Variants in OPCML observed in about 807,000 individuals in gnomAD.
OPCML encodes opioid-binding protein/cell adhesion molecule.
In OPCML, 13 loss-of-function variants were observed where a neutral mutation model predicts 37.8. That is an observed-to-expected ratio of 0.34 (90% CI 0.22 to 0.55). OPCML has a LOEUF of 0.55. OPCML is among the 20% of genes least tolerant of loss of function. OPCML has a pLI of 0.91. For missense variants in OPCML, 341 were observed against 435.6 expected, an observed-to-expected ratio of 0.78 and a Z score of 1.93; for synonymous variants, 176 against 168.8, an observed-to-expected ratio of 1.04 and a Z score of -0.33.
intron 1 of OPCML, among the ~76,000 whole-genome samples, chr11:133,449,183 C>G (rs1486675883): frequency 6.6e-6 from 1 of 152,120 alleles, no homozygotes; most frequent in Non-Finnish European, 1.5e-5. Context: ...GAAGATGTAC[C>G]TCTCTGTAGC....
intron 1 of OPCML, among the ~76,000 whole-genome samples, chr11:133,215,702 C>G (rs184934031): frequency 3.3e-5 from 5 of 152,236 alleles, no homozygotes; most frequent in Admixed American, 6.5e-5. Context: ...CCCGAGGGAG[C>G]AGAACCCAGG....
At chr11:132,860,689 T>C (rs900577841) in intron 2 of OPCML, 2 of 152,136 alleles carry the variant, frequency 1.3e-5, no homozygotes, top group African/African-American at 4.8e-5. Flanking sequence ...GGGGTACTTT[T>C]AGTTTCCCAG....
intron 1 of OPCML, among the ~76,000 whole-genome samples, chr11:133,237,982 G>C (rs11607552): frequency 0.13 from 20,102 of 152,252 alleles, 2,197 homozygotes; most frequent in East Asian, 0.54. Flanking sequence ...CTTTACAAAA[G>C]TAATCTCATT....
chr11:133,503,826 C>T (rs987157990), intron 1 of OPCML, among the ~76,000 whole-genome samples: 1 of 152,306 alleles, frequency 6.6e-6, no homozygotes, highest in African/African-American at 2.4e-5. Flanking sequence ...CATGACTGCT[C>T]TCAGAGCTGG....
chr11:133,032,767 T>C (rs1316328939), intron 1 of OPCML, among the ~76,000 whole-genome samples: 1 of 152,142 alleles, frequency 6.6e-6, no homozygotes, highest in African/African-American at 2.4e-5. Context: ...TCCGTGACTA[T>C]TGCATTATTC....
At chr11:132,566,798 A>G (rs1039819967) in intron 3 of OPCML, among the ~76,000 whole-genome samples, 13 of 152,294 alleles carry the variant, frequency 8.5e-5, no homozygotes, top group Non-Finnish European at 1.6e-4. Context: ...GATCTAAAAT[A>G]AAGCCATGTC....
intron 2 of OPCML, among the ~76,000 whole-genome samples, chr11:132,660,316 T>C (rs190005908): frequency 6.6e-6 from 1 of 152,324 alleles, no homozygotes; most frequent in East Asian, 1.9e-4. Context: ...CTTTCCAAGA[T>C]ATATGCCAAA....
At chr11:133,112,221 T>C (rs1365125396) in intron 1 of OPCML, among the ~76,000 whole-genome samples, 1 of 140,478 alleles carries the variant, frequency 7.1e-6, no homozygotes, top group African/African-American at 2.5e-5. Flanking sequence ...TTAGACTTTA[T>C]ATTTCAAAAT....
intron 1 of OPCML, among the ~76,000 whole-genome samples, chr11:133,123,103 A>G (rs781411107): frequency 6.6e-6 from 1 of 152,224 alleles, no homozygotes; most frequent in Non-Finnish European, 1.5e-5. Context: ...CTCTCAGAGC[A>G]GTGCATACAC....
At chr11:132,513,168 G>A (rs187503901) in intron 4 of OPCML, among the ~76,000 whole-genome samples, 15 of 152,174 alleles carry the variant, frequency 9.9e-5, no homozygotes, top group African/African-American at 3.6e-4. Flanking sequence ...AAGAGAAGAA[G>A]CCTATTTGGT....
At chr11:133,067,889 T>A (rs1216095579) in intron 1 of OPCML, 2 of 152,180 alleles carry the variant, frequency 1.3e-5, no homozygotes, top group Non-Finnish European at 2.9e-5. Flanking sequence ...CATATATTTG[T>A]GCAAAGTTTT....
intron 1 of OPCML, chr11:133,007,113 C>G: frequency 1.0e-6 from 1 of 985,412 alleles, no homozygotes. Flanking sequence ...TCCCCTAGAG[C>G]TTTATTTTCC....
At chr11:133,215,045 C>A (rs934464253) in intron 1 of OPCML, among the ~76,000 whole-genome samples, 1 of 152,192 alleles carries the variant, frequency 6.6e-6, no homozygotes, top group Non-Finnish European at 1.5e-5. Flanking sequence ...TTAGAACTTG[C>A]CATAGTCACA....
chr11:133,140,823 A>AGACGACGACGAAGACGAAGAAGAG (rs1565468037), intron 1 of OPCML, among the ~76,000 whole-genome samples: 2 of 31,698 alleles, frequency 6.3e-5, no homozygotes, highest in African/African-American at 1.4e-4. Context: ...ACGAAGAAGA[A>AGACGACGACGAAGACGAAGAAGAG]GACGACGACG....
intron 2 of OPCML, among the ~76,000 whole-genome samples, chr11:132,877,983 C>T (rs1318149095): frequency 6.6e-6 from 1 of 152,138 alleles, no homozygotes; most frequent in Non-Finnish European, 1.5e-5. Flanking sequence ...GAGAGCAAGA[C>T]CATCCTGGCT....
At chr11:132,994,271 G>T (rs1048915713) in intron 1 of OPCML, among the ~76,000 whole-genome samples, 1 of 152,174 alleles carries the variant, frequency 6.6e-6, no homozygotes, top group African/African-American at 2.4e-5. Context: ...TTTTACGGCC[G>T]GAACTCGGGC....
At chr11:132,991,117 C>T (rs1205739819) in intron 1 of OPCML, among the ~76,000 whole-genome samples, 5 of 152,152 alleles carry the variant, frequency 3.3e-5, no homozygotes, top group Non-Finnish European at 5.9e-5. Context: ...TACAGCAATT[C>T]GCACTGGACA....
chr11:133,194,272 G>A (rs1180676486), intron 1 of OPCML, among the ~76,000 whole-genome samples: 1 of 146,348 alleles, frequency 6.8e-6, no homozygotes, highest in Non-Finnish European at 1.5e-5. Context: ...TGCAATAGGT[G>A]CAATCTCGGC....
intron 3 of OPCML, among the ~76,000 whole-genome samples, chr11:132,641,155 A>G (rs934378666): frequency 1.3e-5 from 2 of 152,148 alleles, no homozygotes; most frequent in Non-Finnish European, 2.9e-5. Flanking sequence ...AGAGGCACTA[A>G]GGCTCACCTT....
Sources: gnomAD v4.1 joint callset for allele counts (sites outside exome capture counted in the v4.1 genomes callset) on GRCh38, gnomAD v4.1.1 for gene constraint, MANE v1.5 for transcripts, NCBI Gene and HGNC (gene_info 2026-07-23, HGNC 2026-07-21) for gene names.